The following HAL variants were observed in gnomAD, a reference collection of about 807,000 sequenced individuals.
HAL encodes the protein histidine ammonia-lyase, also known as histidase.
HAL carries 85 observed loss-of-function variants against 81.1 expected under a neutral mutation model. That is an observed-to-expected ratio of 1.05 (90% CI 0.88 to 1.25). HAL has a LOEUF of 1.25. Ranked by LOEUF, HAL falls within the 50% of genes most tolerant of loss-of-function variation. The pLI is 0.00. For synonymous variants in HAL, 301 were observed against 309.2 expected (o/e 0.97, Z 0.28); for missense variants, 798 against 836.6 (o/e 0.95, Z 0.57).
At chr12:95,987,686 C>T (rs1273977781) in intron 11 of HAL, among the ~76,000 whole-genome samples, 1 of 152,022 alleles carries the variant, frequency 6.6e-6, no homozygotes, top group African/African-American at 2.4e-5. Context: ...CCTAAGAGAC[C>T]CCCTATGCAT....
At chr12:95,974,426 G>A (rs2080691173) in intron 20 of HAL, 54 bp from the exon 21 acceptor site, 10 of 1,522,976 alleles carry the variant, frequency 6.6e-6, no homozygotes, top group Non-Finnish European at 9.1e-6. Context: ...GTTTCCACAT[G>A]CTATTAAACA....
At chr12:95,978,363 T>C (rs887045610) in intron 17 of HAL, among the ~76,000 whole-genome samples, 1 of 151,964 alleles carries the variant, frequency 6.6e-6, no homozygotes, top group Admixed American at 6.6e-5. Context: ...GGGAAGCATA[T>C]AGCATGCCAG....
chr12:95,993,657 C>G (rs746215302), intron 7 of HAL, 115 bp downstream of exon 7: 1 of 847,324 alleles, frequency 1.2e-6, no homozygotes, highest in Non-Finnish European at 2.0e-6. Flanking sequence ...CAAGGTAACC[C>G]AAGCCTCATC....
intron 17 of HAL, among the ~76,000 whole-genome samples, chr12:95,980,042 A>G (rs988762463): frequency 1.6e-4 from 25 of 152,364 alleles, no homozygotes; most frequent in Admixed American, 7.2e-4. Context: ...TTGAAGCTCA[A>G]TCTTCACAGA....
At chr12:95,991,798 C>T (rs1949973480) in intron 9 of HAL, among the ~76,000 whole-genome samples, 1 of 152,176 alleles carries the variant, frequency 6.6e-6, no homozygotes. Context: ...TATAGTATGG[C>T]AGACCAAGGT....
intron 17 of HAL, among the ~76,000 whole-genome samples, chr12:95,979,669 C>T (rs2080767750): frequency 6.6e-6 from 1 of 152,118 alleles, no homozygotes; most frequent in South Asian, 2.1e-4. Context: ...AAGTATGTCC[C>T]AAATAATTCA....
intron 14 of HAL, 23 bp downstream of exon 14, chr12:95,985,885 C>CTTTTTTTT (rs759405336): frequency 4.1e-6 from 5 of 1,224,586 alleles, no homozygotes; most frequent in South Asian, 1.4e-5. Context: ...TTTTATTGAC[C>CTTTTTTTT]TTTTTTTTTT....
chr12:95,977,679 C>G (rs1198296859), intron 18 of HAL, among the ~76,000 whole-genome samples: 1 of 150,318 alleles, frequency 6.7e-6, no homozygotes, highest in East Asian at 1.9e-4. Context: ...AAAAAGCCAG[C>G]CAAAGGACCA....
Position 95,976,692 on chromosome 12 carries a change from G to A in HAL, c.1669C>T (p.Leu557Phe). 6.2e-7 allele frequency: 1 copy of A among 1,606,812 alleles called. No homozygotes were observed. The highest frequency in any genetic ancestry group is 8.5e-7 in the Non-Finnish European group (1 of 1,173,344). ...TCTATGCCCTGGCAGGCTGCAAGGAGCTCGATGGCCAGCACTGAAACAAGA... is the reference window on the plus strand; with the variant it reads ...TCTATGCCCTGGCAGGCTGCAAGGAACTCGATGGCCAGCACTGAAACAAGA... ...EHVEQVLAIE[L>F]LAACQGIEFL... Residue 557 changes from leucine to phenylalanine, a missense_variant, in exon 19 of 21, where the codon CTC becomes TTC. Leu to Phe is a conservative substitution (Grantham distance 22). Coordinates refer to ENST00000261208, the MANE Select transcript of HAL (RefSeq NM_002108.4).
chr12:95,995,130 T>C (rs1464222078), intron 2 of HAL, 137 bp from the exon 3 acceptor site: 11 of 739,258 alleles, frequency 1.5e-5, no homozygotes, highest in Non-Finnish European at 2.7e-5. Flanking sequence ...GATGGTTTCA[T>C]GTGGTCTTAG....
Position 95,974,347 on chromosome 12 carries a change from A to G in HAL, c.1859T>C (p.Ile620Thr), listed in dbSNP as rs904292772. 1.9e-6 allele frequency: 3 copies of G among 1,613,040 alleles called. No homozygotes were observed. Among genetic ancestry groups the G allele is most frequent in the East Asian group, 4.5e-5 (2 of 44,874 alleles). ...AATATGCTCCATTCTGTATTTTTCA[A>G]TGTATGGAGCAGCTACTTCCCAAAC... ...QKVWEVAAPY[I>T]EKYRMEHIPE... The change falls in exon 21 of 21, where the codon ATT becomes ACT. Residue 620 changes from isoleucine (I) to threonine (T), a missense_variant. Physicochemically the swap from Ile to Thr is moderately conservative, Grantham distance 89. Transcript: ENST00000261208.
chr12:95,977,841 G>T, intron 18 of HAL, 103 bp downstream of exon 18: 1 of 1,265,898 alleles, frequency 7.9e-7, no homozygotes, highest in Non-Finnish European at 1.1e-6. Context: ...TTCCTAACAA[G>T]TTTCCAGGTG....
chr12:95,975,513 T>TA (rs931433178), intron 20 of HAL, among the ~76,000 whole-genome samples: 6 of 147,068 alleles, frequency 4.1e-5, no homozygotes, highest in African/African-American at 1.6e-4. Context: ...CCCGCATCTC[T>TA]AAAAAAATTT....
In HAL at chr12:95,993,981, C is replaced by T. The variant is rs138613169; in HGVS notation, c.429G>A (p.Glu143=). 5.8e-5 allele frequency: 94 copies of T among 1,612,160 alleles called. No homozygotes were observed. The highest frequency in any genetic ancestry group is 8.3e-5 in the Admixed American group (5 of 60,006). Residue 143 remains glutamate (E), a synonymous_variant, in exon 6 of 21, where the codon GAG becomes GAA. Transcript: ENST00000261208. ...RYKIKLTPTA[E]KRVQKSREVI... ...CCTCCCTGGATTTCTGCACCCTCTT[C>T]TCAGCTGTTGGGGTGAGCTAGGAAA...
intron 9 of HAL, among the ~76,000 whole-genome samples, chr12:95,991,252 T>C (rs1422412096): frequency 6.6e-6 from 1 of 152,208 alleles, no homozygotes; most frequent in South Asian, 2.1e-4. Flanking sequence ...AGCTGTTTTT[T>C]TTTGTTTTTG....
Position 95,972,938 on chromosome 12 carries a change from A to G in HAL, c.*1294T>C, listed in dbSNP as rs1376342235. On this transcript the variant is annotated 3_prime_UTR_variant, in exon 21 of 21. Coordinates refer to ENST00000261208, the MANE Select transcript of HAL (RefSeq NM_002108.4). ...TTGACAAGGAATAGCACCAAGAACA[A>G]CCTTTAGGTAAACAGTCTCCTCAGC... 2 of 152,168 alleles carry G rather than the reference A, an allele frequency of 1.3e-5. No homozygotes were observed. The highest frequency in any genetic ancestry group is 4.8e-5 in the African/African-American group (2 of 41,442). The allele number at this position is 152,168 out of a possible 1,614,324, so 9.4% of individuals were successfully genotyped here.
chr12:95,986,264 C>T, intron 12 of HAL, 104 bp from the exon 13 acceptor site: 2 of 740,206 alleles, frequency 2.7e-6, no homozygotes, highest in East Asian at 2.7e-5. Context: ...AACTCCTGGG[C>T]TCTAGCGATC....
chr12:95,986,093 G>A lies in HAL; in HGVS notation c.1119C>T (p.Asp373=). The change falls in exon 13 of 21, where the codon GAC becomes GAT. Residue 373 remains aspartate, a synonymous_variant. Coordinates refer to ENST00000261208, the MANE Select transcript of HAL (RefSeq NM_002108.4). ...CTATTTCTGATGGGTGGTGATCTGAGTCCAAGAGTGACCGAAACCGAAAAG... is the reference window on the plus strand; with the variant it reads ...CTATTTCTGATGGGTGGTGATCTGAATCCAAGAGTGACCGAAACCGAAAAG... ...EVAFRFRSLL[D]SDHHPSEIAE... 1 of 1,612,502 alleles carries A rather than the reference G, an allele frequency of 6.2e-7. No individual in the cohort carries two copies. The highest frequency in any genetic ancestry group is 1.3e-5 in the African/African-American group (1 of 74,996).
At chr12:95,979,425 C>T (rs1039301197) in intron 17 of HAL, among the ~76,000 whole-genome samples, 4 of 152,074 alleles carry the variant, frequency 2.6e-5, no homozygotes, top group Non-Finnish European at 5.9e-5. Flanking sequence ...TTCATTTAAT[C>T]CTCCAAACAA....
Sources: gnomAD v4.1 joint callset for allele counts (sites outside exome capture counted in the v4.1 genomes callset) on GRCh38, gnomAD v4.1.1 for gene constraint, MANE v1.5 for transcripts, NCBI Gene and HGNC (gene_info 2026-07-23, HGNC 2026-07-21) for gene names.